HCN1: variants seen among roughly 807,000 people sequenced by gnomAD.
The protein encoded by HCN1 is potassium/sodium hyperpolarization-activated cyclic nucleotide-gated channel 1.
Under a neutral mutation model 78.9 loss-of-function variants are expected in HCN1, and 13 were observed. That is an observed-to-expected ratio of 0.16 (90% confidence interval 0.11 to 0.26). HCN1 has a LOEUF of 0.26. Ranked by LOEUF, HCN1 falls within the 10% of genes least tolerant of loss-of-function variation. The pLI, the probability that HCN1 is intolerant of heterozygous loss-of-function variation, is 1.00. For synonymous variants in HCN1, 552 were observed against 455.5 expected, an observed-to-expected ratio of 1.21 and a Z score of -2.70; for missense variants, 810 against 1,154.3, an observed-to-expected ratio of 0.70 and a Z score of 4.32.
At position 45,312,378 on chromosome 5, in the gene HCN1, G is replaced by C. The variant is rs578078096; in HGVS notation, c.1378-8539C>G. 2.5e-4 allele frequency among the ~76,000 whole-genome samples: 38 copies of C among 152,236 alleles called. No individual in the cohort carries two copies. The South Asian group carries it at 6.8e-3, about 27-fold the overall frequency. On this transcript the variant is annotated intron_variant, in intron 5 of 7. Coordinates refer to ENST00000303230, the MANE Select transcript of HCN1 (RefSeq NM_021072.4). ...ATTTATTTTAGATATAAAAGTATTT[G>C]CTGGGGGCGGTTCCAAGATGGCCAA...
At chr5:45,577,697 A>T (rs1743977164) in intron 2 of HCN1, among the ~76,000 whole-genome samples, 1 of 152,076 alleles carries the variant, frequency 6.6e-6, no homozygotes, top group African/African-American at 2.4e-5. Flanking sequence ...AATATATGCA[A>T]ATTATAAAAT....
intron 4 of HCN1, among the ~76,000 whole-genome samples, chr5:45,379,615 G>GT (rs1747763564): frequency 6.6e-6 from 1 of 151,982 alleles, no homozygotes; most frequent in South Asian, 2.1e-4. Context: ...TTCTATTTGT[G>GT]TTTTTCTGCT....
chr5:45,695,863 C>G lies in HCN1; in HGVS notation c.231G>C (p.Pro77=). The G allele has an allele frequency of 6.3e-7, 1 of 1,580,884 alleles. No homozygotes were observed. The highest frequency in any genetic ancestry group is 1.1e-5 in the South Asian group (1 of 88,454). Residue 77 remains proline (P), a synonymous_variant, in exon 1 of 8, where the codon CCG becomes CCC. Coordinates refer to ENST00000303230, the MANE Select transcript of HCN1 (RefSeq NM_021072.4). The part of the protein sequence containing the change: ...GGGGGGGGEE[P]AGGFEDAEGP... ...CCTCGGCGTCTTCGAAGCCCCCCGCCGGCTCCTCGCCGCCGCCGCCGCCGC... is the reference window on the plus strand; with the variant it reads ...CCTCGGCGTCTTCGAAGCCCCCCGCGGGCTCCTCGCCGCCGCCGCCGCCGC...
At position 45,428,045 on chromosome 5, in the gene HCN1, C is replaced by T. The variant is rs569219680; in HGVS notation, c.1012-31335G>A. Among the ~76,000 whole-genome samples the T allele has an allele frequency of 5.9e-5, 9 of 152,058 alleles. No individual in the cohort carries two copies. In the South Asian group the frequency reaches 1.0e-3, roughly 18 times the overall value. ...AAATTCTTACTTGGTTTTTTACTTG[C>T]TGTTTTTCATTGTTCAAGCCACTTA... On this transcript the variant is annotated intron_variant, in intron 3 of 7. Coordinates refer to ENST00000303230, the MANE Select transcript of HCN1 (RefSeq NM_021072.4).
chr5:45,624,006 A>G (rs1368802088), intron 2 of HCN1, among the ~76,000 whole-genome samples: 2 of 152,220 alleles, frequency 1.3e-5, no homozygotes, highest in Non-Finnish European at 2.9e-5. Flanking sequence ...ACCATGAGTC[A>G]AGGGCACTCT....
At chr5:45,667,890 C>T (rs953007711) in intron 1 of HCN1, among the ~76,000 whole-genome samples, 1 of 151,848 alleles carries the variant, frequency 6.6e-6, no homozygotes, top group Non-Finnish European at 1.5e-5. Flanking sequence ...ATTTTCTCAC[C>T]AGTTCTATGA....
chr5:45,352,979 G>C (rs1026303589), intron 5 of HCN1, 121 bp downstream of exon 5: 4 of 797,070 alleles, frequency 5.0e-6, no homozygotes, highest in African/African-American at 1.7e-5. Context: ...AGAAGATAAG[G>C]ACAAAATATC....
Position 45,648,600 on chromosome 5 carries a change from A to T in HCN1, c.426-2992T>A, listed in dbSNP as rs185837783. Among the ~76,000 whole-genome samples the T allele has an allele frequency of 1.3e-3, 202 of 152,272 alleles. 1 individual carries two copies. Among genetic ancestry groups the T allele is most frequent in the Non-Finnish European group, 1.7e-3 (118 of 68,012 alleles). Reference sequence around the variant, plus strand: ...AAGTGCAATATACCTTCTTTAAAAAAAGTAAATGGGTTCTTAAAAATTGAC... The same window carrying T: ...AAGTGCAATATACCTTCTTTAAAAATAGTAAATGGGTTCTTAAAAATTGAC... On this transcript the variant is annotated intron_variant, in intron 1 of 7. Transcript: ENST00000303230.
At chr5:45,688,185 G>C (rs573125308) in intron 1 of HCN1, among the ~76,000 whole-genome samples, 1 of 152,198 alleles carries the variant, frequency 6.6e-6, no homozygotes, top group East Asian at 1.9e-4. Context: ...TTATTTTGGA[G>C]TGACTTCAAG....
rs1031671751 is a variant in HCN1, at chr5:45,544,511, T to C, written c.850-82504A>G. On this transcript the variant is annotated intron_variant, in intron 2 of 7. Transcript: ENST00000303230. ...GCACAATGTGCAGGTTTGTCACATA[T>C]GTATACATGTGCCATGTTGGTGTGC... is the stretch of plus-strand genomic sequence containing the variant. Among the ~76,000 whole-genome samples the C allele has an allele frequency of 5.9e-5, 9 of 152,044 alleles. 1 individual carries two copies. Among genetic ancestry groups the C allele is most frequent in the African/African-American group, 2.2e-4 (9 of 41,388 alleles).
chr5:45,483,949 A>C (rs541203859), intron 2 of HCN1, among the ~76,000 whole-genome samples: 2 of 152,180 alleles, frequency 1.3e-5, no homozygotes, highest in South Asian at 4.1e-4. Context: ...TTTATTTCCA[A>C]GTTTTCGATT....
At chr5:45,301,057 T>C (rs898612415) in intron 6 of HCN1, among the ~76,000 whole-genome samples, 26 of 152,170 alleles carry the variant, frequency 1.7e-4, no homozygotes, top group Middle Eastern at 3.4e-3. Flanking sequence ...GATTAATGGG[T>C]TATAACCTCA....
intron 5 of HCN1, among the ~76,000 whole-genome samples, chr5:45,346,756 T>C (rs1410830724): frequency 6.6e-6 from 1 of 152,192 alleles, no homozygotes; most frequent in African/African-American, 2.4e-5. Context: ...GGAGTCTCAC[T>C]GATTGCTAGC....
At chr5:45,570,668 T>G (rs778421309) in intron 2 of HCN1, among the ~76,000 whole-genome samples, 3 of 152,132 alleles carry the variant, frequency 2.0e-5, no homozygotes, top group Non-Finnish European at 4.4e-5. Context: ...TGATCTAGTC[T>G]AAAAACAAAA....
chr5:45,418,527 C>T (rs1049155161), intron 3 of HCN1, among the ~76,000 whole-genome samples: 1 of 151,524 alleles, frequency 6.6e-6, no homozygotes, highest in Non-Finnish European at 1.5e-5. Flanking sequence ...CTTTTAAGAT[C>T]AAGCAATCTG....
At chr5:45,665,354 C>T (rs1019046774) in intron 1 of HCN1, among the ~76,000 whole-genome samples, 62 of 149,262 alleles carry the variant, frequency 4.2e-4, no homozygotes, top group African/African-American at 1.1e-3. Context: ...TGCTAAATGA[C>T]GAGTTAATGG....
chr5:45,275,247 G>GAA (rs779327836), intron 6 of HCN1, among the ~76,000 whole-genome samples: 71 of 103,728 alleles, frequency 6.8e-4, no homozygotes, highest in African/African-American at 2.4e-3. Context: ...CTCTGTCTCA[G>GAA]AAAAAAAAAA....
intron 4 of HCN1, among the ~76,000 whole-genome samples, chr5:45,367,125 C>T (rs1747253718): frequency 6.6e-6 from 1 of 151,618 alleles, no homozygotes; most frequent in Admixed American, 6.6e-5. Flanking sequence ...GAAGAAAGTG[C>T]AAAGTGTTGC....
chr5:45,518,869 T>C (rs945638715), intron 2 of HCN1, among the ~76,000 whole-genome samples: 3 of 152,062 alleles, frequency 2.0e-5, no homozygotes, highest in African/African-American at 7.2e-5. Context: ...CTGAGTTTCC[T>C]AAGCTAAGAA....
Sources: gnomAD v4.1 joint callset for allele counts (sites outside exome capture counted in the v4.1 genomes callset) on GRCh38, gnomAD v4.1.1 for gene constraint, MANE v1.5 for transcripts, NCBI Gene and HGNC (gene_info 2026-07-23, HGNC 2026-07-21) for gene names.